The following SKAP1 variants were observed in gnomAD, a reference collection of about 807,000 sequenced individuals.
SKAP1 encodes src kinase associated phosphoprotein 1, also known as src kinase-associated phosphoprotein 1.
A neutral mutation model predicts 58.5 loss-of-function variants in SKAP1; 44 were observed. The ratio of observed to expected loss-of-function variants is 0.75; its 90% CI spans 0.59 to 0.97. SKAP1 has a LOEUF of 0.97. Ranked by LOEUF, SKAP1 falls within the 50% of genes least tolerant of loss-of-function variation. The pLI, the probability that SKAP1 is intolerant of heterozygous loss-of-function variation, is 0.00. For missense variants in SKAP1, 390 were observed against 435.2 expected (o/e 0.90, Z 0.92); for synonymous variants, 127 against 149.7 (o/e 0.85, Z 1.11).
At chr17:48,380,475 TAC>T (rs1285977414) in intron 2 of SKAP1, 2 of 152,234 alleles carry the variant, frequency 1.3e-5, no homozygotes, top group African/African-American at 4.8e-5. Flanking sequence ...TAAAGATTTG[TAC>T]ACACTTTCCT....
At chr17:48,283,741 C>G (rs1009340371) in intron 4 of SKAP1, among the ~76,000 whole-genome samples, 1 of 152,150 alleles carries the variant, frequency 6.6e-6, no homozygotes, top group African/African-American at 2.4e-5. Context: ...TGGGAAATAA[C>G]TTAGGAATAA....
chr17:48,141,204 C>T (rs1002672118), intron 11 of SKAP1, among the ~76,000 whole-genome samples: 1 of 152,070 alleles, frequency 6.6e-6, no homozygotes, highest in Non-Finnish European at 1.5e-5. Context: ...ATGTAGCTAT[C>T]GTCTCACGTG....
At chr17:48,423,603 T>A (rs182692373) in intron 1 of SKAP1, among the ~76,000 whole-genome samples, 56 of 152,330 alleles carry the variant, frequency 3.7e-4, no homozygotes, top group Admixed American at 7.2e-4. Flanking sequence ...GTATTTAATT[T>A]AATTAATAAT....
At chr17:48,161,558 C>T (rs899130307) in intron 11 of SKAP1, among the ~76,000 whole-genome samples, 3 of 152,108 alleles carry the variant, frequency 2.0e-5, no homozygotes, top group Admixed American at 6.5e-5. Flanking sequence ...TGTAATAATC[C>T]ATCCTTTTTT....
chr17:48,362,842 T>G (rs2066952996), intron 3 of SKAP1, among the ~76,000 whole-genome samples: 1 of 152,224 alleles, frequency 6.6e-6, no homozygotes, highest in Admixed American at 6.5e-5. Context: ...TTGGATACAG[T>G]GACAACATTA....
At chr17:48,436,737 C>T in the SKAP1 span, among the ~76,000 whole-genome samples, 1 of 152,092 alleles carries the variant, frequency 6.6e-6, no homozygotes, top group Non-Finnish European at 1.5e-5. Flanking sequence ...CTTCCTCCAT[C>T]AAATCTCATG....
chr17:48,176,692 T>A (rs762982292), intron 9 of SKAP1, among the ~76,000 whole-genome samples: 3 of 152,250 alleles, frequency 2.0e-5, no homozygotes, highest in Non-Finnish European at 4.4e-5. Flanking sequence ...GGGCTCTGGT[T>A]TTCCCTCAAG....
At chr17:48,237,992 GT>G (rs915904204) in intron 4 of SKAP1, among the ~76,000 whole-genome samples, 69 of 145,434 alleles carry the variant, frequency 4.7e-4, no homozygotes, top group Non-Finnish European at 2.3e-4. Flanking sequence ...TGTTTGTTTT[GT>G]TTTTTGTTTT....
intron 4 of SKAP1, among the ~76,000 whole-genome samples, chr17:48,336,781 G>C (rs1350343914): frequency 6.6e-6 from 1 of 152,092 alleles, no homozygotes; most frequent in African/African-American, 2.4e-5. Context: ...TTTCCCCTAA[G>C]CTCTGACAAT....
At chr17:48,312,695 G>A (rs929787551) in intron 4 of SKAP1, among the ~76,000 whole-genome samples, 1 of 152,212 alleles carries the variant, frequency 6.6e-6, no homozygotes, top group African/African-American at 2.4e-5. Flanking sequence ...ACTTTGTCAA[G>A]TTTAAGGGGA....
chr17:48,292,277 T>G (rs1325564217), intron 4 of SKAP1, among the ~76,000 whole-genome samples: 2 of 152,106 alleles, frequency 1.3e-5, no homozygotes, highest in African/African-American at 2.4e-5. Context: ...TTTCTTAATG[T>G]TGTCATTGGT....
Position 48,207,163 on chromosome 17 carries a change from T to A in SKAP1, c.281-17663A>T, listed in dbSNP as rs552788577. On this transcript the variant is annotated intron_variant, in intron 4 of 12. Transcript: ENST00000336915. The stretch of plus-strand genomic sequence containing the variant: ...CCAGAAAAGAAAGAAGAAACCAGTG[T>A]AGAATGAAGAGAAACAATGCTATTA... Among the ~76,000 whole-genome samples the A allele has an allele frequency of 2.0e-5, 3 of 152,126 alleles. No homozygotes were observed. The East Asian group carries it at 5.8e-4, about 29-fold the overall frequency.
In SKAP1 at chr17:48,363,809, T is replaced by C. The variant is rs372268674; in HGVS notation, c.158A>G (p.Tyr53Cys). 4.3e-5 allele frequency: 69 copies of C among 1,604,834 alleles called. 1 individual carries two copies. The South Asian group carries it at 6.7e-4, about 16-fold the overall frequency. Reference sequence around the variant, plus strand: ...CTCACCTTGGGGCTGAAAATCCCAATAGTACCTGAAATACAAGGGGGAAAA... The same window carrying C: ...CTCACCTTGGGGCTGAAAATCCCAACAGTACCTGAAATACAAGGGGGAAAA... ...RGFQQIKARY[Y>C]WDFQPQGGDI... is the part of the protein sequence containing the mutation. The change falls in exon 3 of 13, where the codon TAT (tyrosine) becomes TGT (cysteine). Residue 53 changes from tyrosine to cysteine, a missense_variant. Coordinates refer to ENST00000336915, the MANE Select transcript of SKAP1 (RefSeq NM_003726.4).
chr17:48,237,246 A>G (rs536125095), intron 4 of SKAP1, among the ~76,000 whole-genome samples: 1 of 152,370 alleles, frequency 6.6e-6, no homozygotes, highest in South Asian at 2.1e-4. Flanking sequence ...TAAGGACTAC[A>G]TAGTGATTTT....
intron 4 of SKAP1, among the ~76,000 whole-genome samples, chr17:48,313,546 T>A (rs1389228702): frequency 6.6e-6 from 1 of 152,118 alleles, no homozygotes; most frequent in Non-Finnish European, 1.5e-5. Context: ...GACCTTCCAA[T>A]GCATTATGCA....
At chr17:48,305,745 T>G (rs2066131273) in intron 4 of SKAP1, among the ~76,000 whole-genome samples, 1 of 152,236 alleles carries the variant, frequency 6.6e-6, no homozygotes, top group Non-Finnish European at 1.5e-5. Context: ...TTTTTATTAT[T>G]ACACATGAAG....
chr17:48,302,421 C>T (rs1278100569), intron 4 of SKAP1, among the ~76,000 whole-genome samples: 1 of 152,008 alleles, frequency 6.6e-6, no homozygotes, highest in Non-Finnish European at 1.5e-5. Context: ...GTTGCTCTTG[C>T]GTGTCTTATA....
intron 1 of SKAP1, among the ~76,000 whole-genome samples, chr17:48,420,178 A>G (rs2067777389): frequency 6.6e-6 from 1 of 152,216 alleles, no homozygotes; most frequent in Non-Finnish European, 1.5e-5. Context: ...GGCTTATAAC[A>G]TGAAAAAATT....
At chr17:48,164,650 T>C (rs533902468) in intron 10 of SKAP1, among the ~76,000 whole-genome samples, 3 of 152,234 alleles carry the variant, frequency 2.0e-5, no homozygotes, top group South Asian at 2.1e-4. Flanking sequence ...AGGTCTTTGA[T>C]ATTAAAGGCC....
Sources: allele counts gnomAD v4.1 joint callset (sites outside exome capture counted in the v4.1 genomes callset), GRCh38; gene constraint gnomAD v4.1.1; transcripts MANE v1.5; gene names NCBI Gene and HGNC (gene_info 2026-07-23, HGNC 2026-07-21).